Variants in DLGAP2 observed in about 807,000 individuals in gnomAD.
DLGAP2 encodes disks large-associated protein 2.
Under a neutral mutation model 100.3 loss-of-function variants are expected in DLGAP2, and 26 were observed. That is an observed-to-expected ratio of 0.26 (90% confidence interval 0.19 to 0.36). The LOEUF (loss-of-function observed/expected upper bound fraction) is 0.36, where lower values mean the gene tolerates loss of function less well. Ranked by LOEUF, DLGAP2 falls within the 10% of genes least tolerant of loss-of-function variation. The probability of loss-of-function intolerance (pLI) is 1.00; values close to 1 mark genes in which losing one functional copy is unlikely to be tolerated. For synonymous variants in DLGAP2, 886 were observed against 630.1 expected (o/e 1.41, Z -6.08); for missense variants, 1,858 against 1,453.2 (o/e 1.28, Z -4.53).
intron 5 of DLGAP2, among the ~76,000 whole-genome samples, chr8:1,564,029 A>C (rs1217420939): frequency 1.3e-5 from 2 of 152,202 alleles, no homozygotes; most frequent in Non-Finnish European, 2.9e-5. Context: ...CTCTTCTCCT[A>C]CATGAAAAAC....
intron 8 of DLGAP2, among the ~76,000 whole-genome samples, chr8:1,636,051 G>A (rs1797758452): frequency 6.6e-6 from 1 of 152,212 alleles, no homozygotes; most frequent in Non-Finnish European, 1.5e-5. Flanking sequence ...GAAAAACACT[G>A]CATATTGATT....
chr8:956,463 C>G lies in DLGAP2; in HGVS notation c.73+48497C>G, dbSNP rs543602706. Among the ~76,000 whole-genome samples, 5 of 152,306 alleles carry G rather than the reference C, an allele frequency of 3.3e-5. No homozygotes were observed. The East Asian group carries it at 9.7e-4, about 29-fold the overall frequency. On this transcript the variant is annotated intron_variant, in intron 2 of 14. Transcript: ENST00000637795. Reference sequence around the variant, plus strand: ...AGTGAAGGCCAAATGAGAGGACCCTCTCAGCTCTGAGAATCATCTGTCCAC... The same window carrying G: ...AGTGAAGGCCAAATGAGAGGACCCTGTCAGCTCTGAGAATCATCTGTCCAC...
At chr8:765,820 C>A (rs991389200) in intron 1 of DLGAP2, among the ~76,000 whole-genome samples, 1 of 152,146 alleles carries the variant, frequency 6.6e-6, no homozygotes, top group Non-Finnish European at 1.5e-5. Flanking sequence ...GATGCACACA[C>A]AAATGCACAA....
At chr8:1,653,149 G>A (rs532037828) in intron 8 of DLGAP2, among the ~76,000 whole-genome samples, 13 of 152,346 alleles carry the variant, frequency 8.5e-5, no homozygotes, top group South Asian at 2.1e-4. Flanking sequence ...CTGTGGCATC[G>A]CGTTGGTTCT....
rs538978643 is a variant in DLGAP2, at chr8:1,529,680, A to G, written c.173-18946A>G. ...ACAGAAGTTAAGCTTGAACAATGTG[A>G]AAAAATGGCAAATAATTACTCTTTG... On this transcript the variant is annotated intron_variant, in intron 4 of 14. Transcript: ENST00000637795. 8.9e-4 allele frequency among the ~76,000 whole-genome samples: 136 copies of G among 152,346 alleles called. No homozygotes were observed. The Middle Eastern group carries it at 0.01, about 11-fold the overall frequency.
At chr8:1,074,366 T>C (rs1187413377) in intron 2 of DLGAP2, among the ~76,000 whole-genome samples, 7 of 152,084 alleles carry the variant, frequency 4.6e-5, no homozygotes, top group Non-Finnish European at 1.0e-4. Context: ...CAGGATTCAC[T>C]GTCACAGAAG....
chr8:1,098,418 G>A (rs554413580), intron 2 of DLGAP2, among the ~76,000 whole-genome samples: 2 of 152,166 alleles, frequency 1.3e-5, no homozygotes, highest in South Asian at 2.1e-4. Flanking sequence ...TCCTCCTCAC[G>A]AGGGCCTCCC....
chr8:1,690,387 C>T (rs994962702), intron 12 of DLGAP2, among the ~76,000 whole-genome samples: 1 of 151,100 alleles, frequency 6.6e-6, no homozygotes, highest in East Asian at 2.0e-4. Context: ...AAAATAAACA[C>T]ACACACATAC....
intron 2 of DLGAP2, among the ~76,000 whole-genome samples, chr8:1,253,876 G>C (rs1799109023): frequency 6.6e-6 from 1 of 152,252 alleles, no homozygotes; most frequent in Non-Finnish European, 1.5e-5. Context: ...GCTGCTGTGA[G>C]TACGCTTGCT....
At chr8:1,187,748 G>A (rs1192506600) in intron 2 of DLGAP2, among the ~76,000 whole-genome samples, 6 of 140,774 alleles carry the variant, frequency 4.3e-5, no homozygotes, top group Non-Finnish European at 6.1e-5. Context: ...CTTCCGTGAC[G>A]TTTCCCTCAC....
intron 3 of DLGAP2, among the ~76,000 whole-genome samples, chr8:1,294,037 C>T (rs1437387249): frequency 1.3e-5 from 2 of 152,182 alleles, no homozygotes; most frequent in Non-Finnish European, 2.9e-5. Context: ...GCCACCAGGG[C>T]TCCCTGCCGG....
intron 1 of DLGAP2, among the ~76,000 whole-genome samples, chr8:768,349 G>A (rs758538715): frequency 1.7e-4 from 26 of 150,390 alleles, no homozygotes; most frequent in Non-Finnish European, 2.9e-4. Flanking sequence ...TCAAATAACT[G>A]TTATTTCAGT....
At chr8:826,881 G>A (rs1169223075) in intron 1 of DLGAP2, among the ~76,000 whole-genome samples, 3 of 152,128 alleles carry the variant, frequency 2.0e-5, no homozygotes, top group South Asian at 2.1e-4. Context: ...TTCCAGCCTC[G>A]CACCAGTCTT....
chr8:1,242,940 T>TGG (rs1798830372), intron 2 of DLGAP2, among the ~76,000 whole-genome samples: 1 of 10,582 alleles, frequency 9.5e-5, no homozygotes, highest in African/African-American at 3.0e-4. Flanking sequence ...GATGGATTGA[T>TGG]AGATGGATGG....
chr8:948,827 C>G (rs555477383), intron 2 of DLGAP2, among the ~76,000 whole-genome samples: 1 of 152,234 alleles, frequency 6.6e-6, no homozygotes, highest in Non-Finnish European at 1.5e-5. Context: ...ACACCTCATG[C>G]TTTGGAGCAG....
At position 1,664,051 on chromosome 8, in the gene DLGAP2, A is replaced by T. The variant is rs149386902; in HGVS notation, c.1811-4278A>T. Among the ~76,000 whole-genome samples the T allele has an allele frequency of 9.5e-4, 144 of 152,260 alleles. 2 individuals are homozygous for T. In the South Asian group the frequency reaches 0.01, roughly 11 times the overall value. On this transcript the variant is annotated intron_variant, in intron 8 of 14. Transcript: ENST00000637795. ...GAGAATAGTGGTTTTGTTGATGACAACTGATCCACTGATACCAAACCCTCC... is the reference window on the plus strand; with the variant it reads ...GAGAATAGTGGTTTTGTTGATGACATCTGATCCACTGATACCAAACCCTCC...
rs370480875 is a variant in DLGAP2, at chr8:1,317,077, C to G, written c.106+58194C>G. On this transcript the variant is annotated intron_variant, in intron 3 of 14. Coordinates refer to ENST00000637795, the MANE Select transcript of DLGAP2 (RefSeq NM_001346810.2). ...CGTCTCTCCAACAGTGGTCTACACTCGAGACACTCGGCAGCGTTTAAAAAT... is the reference window on the plus strand; with the variant it reads ...CGTCTCTCCAACAGTGGTCTACACTGGAGACACTCGGCAGCGTTTAAAAAT... Among the ~76,000 whole-genome samples the G allele has an allele frequency of 3.8e-3, 496 of 130,542 alleles. No individual in the cohort carries two copies. In the East Asian group the frequency reaches 0.065, roughly 17 times the overall value. 85.6% of individuals were successfully genotyped at this position (130,542 alleles called of 152,430 possible). A position where few individuals can be genotyped will look rare whatever the true frequency, so the allele number is the denominator to read the frequency against.
intron 1 of DLGAP2, among the ~76,000 whole-genome samples, chr8:823,378 C>T (rs760441092): frequency 1.6e-4 from 24 of 152,046 alleles, no homozygotes; most frequent in Non-Finnish European, 2.9e-4. Flanking sequence ...AGACAGTTCA[C>T]AGTACGCTTG....
intron 2 of DLGAP2, among the ~76,000 whole-genome samples, chr8:952,097 T>G (rs1799494821): frequency 6.6e-6 from 1 of 152,184 alleles, no homozygotes; most frequent in Admixed American, 6.5e-5. Context: ...CCATTTTCTC[T>G]CCAGGTGTGG....
Sources: allele counts gnomAD v4.1 joint callset (sites outside exome capture counted in the v4.1 genomes callset), GRCh38; gene constraint gnomAD v4.1.1; transcripts MANE v1.5; gene names NCBI Gene and HGNC (gene_info 2026-07-23, HGNC 2026-07-21).